Variants in PIGX observed in about 807,000 individuals in gnomAD.
The protein encoded by PIGX is GPI alpha-1,4-mannosyltransferase I, stabilizing subunit.
In PIGX, 24 loss-of-function variants were observed where a neutral mutation model predicts 28.7. The observed-to-expected ratio is 0.84, with a 90% confidence interval of 0.60 to 1.17. The LOEUF (loss-of-function observed/expected upper bound fraction) is 1.17. Ranked by LOEUF, PIGX falls within the 50% of genes most tolerant of loss-of-function variation. The pLI, the probability that PIGX is intolerant of heterozygous loss-of-function variation, is 0.00. For synonymous variants in PIGX, 127 were observed against 121.0 expected (o/e 1.05, Z -0.33); for missense variants, 305 against 317.8 (o/e 0.96, Z 0.31).
Position 196,727,932 on chromosome 3 carries a change from G to T in PIGX, c.328G>T (p.Val110Phe). The change falls in exon 4 of 6, where the codon GTT becomes TTT. Residue 110 changes from valine (V) to phenylalanine (F), a missense_variant. Transcript: ENST00000392391. Reference sequence around the variant, plus strand: ...TTTTCTTTTTGAACAGGCAGTGATGGTTTCAGAAAATTTTGATATAGAGGC... The same window carrying T: ...TTTTCTTTTTGAACAGGCAGTGATGTTTTCAGAAAATTTTGATATAGAGGC... 1 of 1,603,538 alleles carries T rather than the reference G, an allele frequency of 6.2e-7. No individual in the cohort carries two copies. The highest frequency in any genetic ancestry group is 8.5e-7 in the Non-Finnish European group (1 of 1,171,662).
At chr3:196,725,893 A>G (rs1712500761) in intron 3 of PIGX, among the ~76,000 whole-genome samples, 1 of 152,200 alleles carries the variant, frequency 6.6e-6, no homozygotes, top group South Asian at 2.1e-4. Flanking sequence ...ACAAAACCTT[A>G]AAAAAATATC....
intron 4 of PIGX, 132 bp from the exon 5 acceptor site, chr3:196,730,860 G>T: frequency 2.8e-6 from 1 of 361,652 alleles, no homozygotes. Flanking sequence ...AACAGAATGT[G>T]ATAGATGGGT....
rs548338450 is a variant in PIGX, at chr3:196,712,387, C to G, written c.-146C>G. The G allele has an allele frequency of 1.2e-5, 4 of 322,960 alleles. No individual in the cohort carries two copies. In the South Asian group the frequency reaches 5.5e-4, roughly 45 times the overall value. 20.0% of individuals were successfully genotyped at this position (322,960 alleles called of 1,614,324 possible). A position where few individuals can be genotyped will look rare whatever the true frequency, so the allele number is the denominator to read the frequency against. On this transcript the variant is annotated 5_prime_UTR_variant, in exon 1 of 6. Transcript: ENST00000392391. ...GCCGGGGCTGCAGGCAGCTGGGAAC[C>G]GCGGGCGCTAGGCGCGCGCACCCAG...
intron 1 of PIGX, among the ~76,000 whole-genome samples, chr3:196,715,361 A>G (rs1712056268): frequency 6.6e-6 from 1 of 152,234 alleles, no homozygotes; most frequent in South Asian, 2.1e-4. Flanking sequence ...TCGGTCACGT[A>G]GTTAGTTGTA....
chr3:196,723,599 A>G (rs1472090659), intron 3 of PIGX, among the ~76,000 whole-genome samples: 1 of 150,528 alleles, frequency 6.6e-6, no homozygotes, highest in Non-Finnish European at 1.5e-5. Flanking sequence ...ATCTGGTTTG[A>G]AGAACCCAGA....
chr3:196,713,047 A>G, intron 1 of PIGX: 2 of 986,464 alleles, frequency 2.0e-6, no homozygotes, highest in Non-Finnish European at 1.2e-6. Flanking sequence ...GCAAACTGCT[A>G]GTTGTTCGTG....
chr3:196,715,540 T>G (rs564051046), intron 1 of PIGX, among the ~76,000 whole-genome samples: 1 of 152,400 alleles, frequency 6.6e-6, no homozygotes, highest in African/African-American at 2.4e-5. Flanking sequence ...TTTTTTTCTA[T>G]TCTTTTTTCA....
At chr3:196,714,467 T>C (rs1468446500) in intron 1 of PIGX, among the ~76,000 whole-genome samples, 40 of 139,578 alleles carry the variant, frequency 2.9e-4, no homozygotes, top group Middle Eastern at 3.6e-3. Context: ...CTGTCTCTTT[T>C]TTTTTTTTTT....
rs1712124173 is a variant in PIGX, at chr3:196,717,003, A to G, written c.176+82A>G. 3 of 882,412 alleles carry G rather than the reference A, an allele frequency of 3.4e-6. No homozygotes were observed. In the East Asian group the frequency reaches 7.9e-5, roughly 23 times the overall value. The allele number at this position is 882,412 out of a possible 1,614,324, so 54.7% of individuals were successfully genotyped here. A position where few individuals can be genotyped will look rare whatever the true frequency, so the allele number is the denominator to read the frequency against. On this transcript the variant is annotated intron_variant, in intron 2 of 5. Coordinates refer to ENST00000392391, the MANE Select transcript of PIGX (RefSeq NM_017861.4). ...CAAAAAATTGATGGTTGAAATTTGT[A>G]TAAATTGAAAAATCAGGCCAGATGC...
chr3:196,731,849 CAG>C (rs1712769141), intron 5 of PIGX, among the ~76,000 whole-genome samples: 3 of 151,638 alleles, frequency 2.0e-5, no homozygotes, highest in Non-Finnish European at 2.9e-5. Context: ...TATTTTGAGA[CAG>C]AGTCTCGCTC....
intron 4 of PIGX, among the ~76,000 whole-genome samples, chr3:196,729,636 C>G (rs1186656337): frequency 3.3e-5 from 5 of 151,512 alleles, no homozygotes; most frequent in Non-Finnish European, 5.9e-5. Flanking sequence ...ATCCACCCGC[C>G]TCGGCCTCCC....
At chr3:196,715,763 C>T (rs1446070702) in intron 1 of PIGX, among the ~76,000 whole-genome samples, 1 of 151,116 alleles carries the variant, frequency 6.6e-6, no homozygotes, top group Non-Finnish European at 1.5e-5. Context: ...CTGCTCACTG[C>T]AGCCTCCCTC....
chr3:196,712,708 C>T, intron 1 of PIGX, 64 bp downstream of exon 1: 2 of 1,146,844 alleles, frequency 1.7e-6, no homozygotes, highest in Non-Finnish European at 2.1e-6. Context: ...GGCCTCTCGG[C>T]GGGTTGCGGG....
At chr3:196,713,157 A>G (rs1711907500) in intron 1 of PIGX, 1 of 890,408 alleles carries the variant, frequency 1.1e-6, no homozygotes, top group Non-Finnish European at 1.3e-6. Context: ...CACAAACCCT[A>G]CAAGTTTCTC....
chr3:196,723,841 G>GT (rs560439591), intron 3 of PIGX, among the ~76,000 whole-genome samples: 33 of 151,670 alleles, frequency 2.2e-4, no homozygotes, highest in South Asian at 4.1e-4. Flanking sequence ...TATTTTAATT[G>GT]TTTTTGAATA....
chr3:196,716,974 A>T, intron 2 of PIGX, 53 bp downstream of exon 2: 1 of 1,094,358 alleles, frequency 9.1e-7, no homozygotes, highest in East Asian at 2.4e-5. Context: ...CATATAATTG[A>T]GAGCAAAAAA....
rs1383208800 is a variant in PIGX at position 196,735,271 on chromosome 3, G to T, written c.*1369G>T. On this transcript the variant is annotated 3_prime_UTR_variant, in exon 6 of 6. Coordinates refer to ENST00000392391, the MANE Select transcript of PIGX (RefSeq NM_017861.4). ...GATCACGCCACTGCACTCCAGCCTG[G>T]GCGACAGAGTGAGACTCTGTCTCAA... 1 of 117,998 alleles carries T rather than the reference G, an allele frequency of 8.5e-6. No individual in the cohort carries two copies. Among genetic ancestry groups the T allele is most frequent in the African/African-American group, 3.4e-5 (1 of 29,762 alleles). The allele number at this position is 117,998 out of a possible 1,614,324, so 7.3% of individuals were successfully genotyped here. A position where few individuals can be genotyped will look rare whatever the true frequency, so the allele number is the denominator to read the frequency against.
At chr3:196,721,831 C>A (rs1326927962) in intron 2 of PIGX, among the ~76,000 whole-genome samples, 1 of 152,014 alleles carries the variant, frequency 6.6e-6, no homozygotes, top group African/African-American at 2.4e-5. Context: ...TGGTTCATTG[C>A]ACCCTCCACC....
intron 1 of PIGX, chr3:196,712,848 G>C (rs528603777): frequency 1.8e-6 from 2 of 1,092,988 alleles, no homozygotes; most frequent in South Asian, 4.5e-5. Context: ...CGGGAGAGTC[G>C]GGCTCGGGCC....
Sources: allele counts gnomAD v4.1 joint callset (sites outside exome capture counted in the v4.1 genomes callset), GRCh38; gene constraint gnomAD v4.1.1; transcripts MANE v1.5; gene names NCBI Gene and HGNC (gene_info 2026-07-23, HGNC 2026-07-21).